Variants in COL4A4 observed in about 807,000 individuals in gnomAD.
COL4A4 encodes collagen alpha-4(IV) chain.
A neutral mutation model predicts 192.9 loss-of-function variants in COL4A4; 105 were observed. That is an observed-to-expected ratio of 0.54 (90% CI 0.46 to 0.64). The LOEUF is 0.64. Among genes scored for constraint, COL4A4 ranks in the 30% least tolerant of loss-of-function variants. The pLI is 0.00. For synonymous variants in COL4A4, 762 were observed against 769.9 expected (o/e 0.99, Z 0.17); for missense variants, 1,967 against 2,169.3 (o/e 0.91, Z 1.85).
chr2:227,052,015 C>A (rs1400044422), intron 32 of COL4A4, among the ~76,000 whole-genome samples: 1 of 151,938 alleles, frequency 6.6e-6, no homozygotes, highest in Non-Finnish European at 1.5e-5. Context: ...CATGGTGAAA[C>A]CCCCATCTTT....
At chr2:227,154,355 T>A (rs1161774874) in intron 1 of COL4A4, among the ~76,000 whole-genome samples, 1 of 152,016 alleles carries the variant, frequency 6.6e-6, no homozygotes, top group Non-Finnish European at 1.5e-5. Flanking sequence ...AGCAACCCAA[T>A]CTTGAAAACA....
intron 7 of COL4A4, 29 bp downstream of exon 7, chr2:227,118,616 C>A: frequency 6.6e-7 from 1 of 1,516,108 alleles, no homozygotes; most frequent in East Asian, 2.3e-5. Context: ...ACTTAAGATT[C>A]CTGTTAAGAT....
chr2:227,088,571 G>T (rs768418695), intron 22 of COL4A4, 82 bp downstream of exon 22: 6 of 1,526,486 alleles, frequency 3.9e-6, no homozygotes, highest in Non-Finnish European at 5.5e-6. Flanking sequence ...CCTAGTCTTG[G>T]GTAGTATCTT....
chr2:227,077,325 A>G (rs2059077781), intron 25 of COL4A4, among the ~76,000 whole-genome samples: 1 of 152,190 alleles, frequency 6.6e-6, no homozygotes, highest in Non-Finnish European at 1.5e-5. Context: ...AAAGAATGAG[A>G]ACATTTTCTT....
At chr2:227,016,053 G>A (rs13403281) in intron 44 of COL4A4, among the ~76,000 whole-genome samples, 66,801 of 151,684 alleles carry the variant, frequency 0.44, 14,812 homozygotes, top group South Asian at 0.55. Flanking sequence ...AACATTAGGT[G>A]GTTCTGCACC....
chr2:226,988,237 T>C, the COL4A4 span: 1 of 1,118,556 alleles, frequency 8.9e-7, no homozygotes, highest in Non-Finnish European at 1.2e-6. Flanking sequence ...AAGCAAGAGG[T>C]TGGGAGTAGG....
chr2:227,157,928 TA>T (rs2064485578), intron 1 of COL4A4, among the ~76,000 whole-genome samples: 1 of 152,062 alleles, frequency 6.6e-6, no homozygotes, highest in Non-Finnish European at 1.5e-5. Context: ...ATTATTCAGA[TA>T]CCAAAACTGA....
Position 227,022,019 on chromosome 2 carries a change from A to G in COL4A4, c.4216+29T>C, listed in dbSNP as rs987754524. ...TTCATTTCAGCAATATATCATGAAA[A>G]TAATGAACAATCAGCATGCGGCTCA... On this transcript the variant is annotated intron_variant, in intron 44 of 47. Transcript: ENST00000396625. 8.7e-6 allele frequency: 14 copies of G among 1,604,696 alleles called. No homozygotes were observed. The Middle Eastern group carries it at 6.6e-4, about 76-fold the overall frequency.
At chr2:227,087,472 T>C (rs1316386942) in intron 22 of COL4A4, among the ~76,000 whole-genome samples, 1 of 152,284 alleles carries the variant, frequency 6.6e-6, no homozygotes, top group East Asian at 1.9e-4. Context: ...ACTGCCTTCT[T>C]CCAGTGGCTC....
chr2:227,060,101 GAAAAAAAAAAA>G (rs71422223), intron 27 of COL4A4, 24 bp downstream of exon 27: 62 of 505,764 alleles, frequency 1.2e-4, no homozygotes, highest in Middle Eastern at 1.1e-3. Flanking sequence ...TCCCAAAGCA[GAAAAAAAAAAA>G]AAAAAAAAAA....
chr2:227,049,095 C>T (rs370632003), intron 34 of COL4A4, among the ~76,000 whole-genome samples: 4 of 152,104 alleles, frequency 2.6e-5, no homozygotes, highest in Non-Finnish European at 2.9e-5. Flanking sequence ...CAGCTAGTTA[C>T]GCTAAGGCTA....
chr2:226,977,600 G>A, the COL4A4 span, among the ~76,000 whole-genome samples: 1 of 152,176 alleles, frequency 6.6e-6, no homozygotes, highest in African/African-American at 2.4e-5. Flanking sequence ...AGCATAATTA[G>A]CAGGATCAAA....
At chr2:227,088,446 C>T (rs1326928068) in intron 22 of COL4A4, among the ~76,000 whole-genome samples, 3 of 152,192 alleles carry the variant, frequency 2.0e-5, no homozygotes, top group Non-Finnish European at 4.4e-5. Flanking sequence ...CTCTCTGTCA[C>T]CTGCTGTCGT....
At chr2:227,082,061 G>A (rs552047672) in intron 23 of COL4A4, 54 bp downstream of exon 23, 1 of 1,377,472 alleles carries the variant, frequency 7.3e-7, no homozygotes, top group East Asian at 2.3e-5. Context: ...GCAAGAGGAG[G>A]GTCCATACAT....
chr2:227,031,301 T>C (rs1426525082), intron 40 of COL4A4, among the ~76,000 whole-genome samples: 1 of 152,202 alleles, frequency 6.6e-6, no homozygotes, highest in African/African-American at 2.4e-5. Flanking sequence ...ATGATGGGCA[T>C]GTGTCTTTAT....
the COL4A4 span, among the ~76,000 whole-genome samples, chr2:226,992,944 T>G: frequency 6.6e-6 from 1 of 152,196 alleles, no homozygotes; most frequent in African/African-American, 2.4e-5. Flanking sequence ...GAAAGCTAAG[T>G]GGAGAAGTGT....
chr2:227,072,372 C>A (rs2058772305), intron 25 of COL4A4, among the ~76,000 whole-genome samples: 1 of 151,502 alleles, frequency 6.6e-6, no homozygotes, highest in African/African-American at 2.4e-5. Flanking sequence ...AAACCTCAAA[C>A]AAACCAATAA....
At chr2:227,086,814 T>G (rs550622846) in intron 22 of COL4A4, among the ~76,000 whole-genome samples, 1 of 152,254 alleles carries the variant, frequency 6.6e-6, no homozygotes, top group Admixed American at 6.5e-5. Context: ...ATGACTATGG[T>G]AAAATGTTGA....
Position 227,006,580 on chromosome 2 carries a change from AG to A in COL4A4, c.*744del, listed in dbSNP as rs1338540409. ...TTTTCCATAATTGCTACTTTTCAAA[AG>A]GGTTGCCAAAGTAGGCATTTCTATT... On this transcript the variant is annotated 3_prime_UTR_variant, in exon 48 of 48. Transcript: ENST00000396625. 1 of 152,184 alleles carries A rather than the reference AG, an allele frequency of 6.6e-6. No homozygotes were observed. Among genetic ancestry groups the A allele is most frequent in the African/African-American group, 2.4e-5 (1 of 41,426 alleles). 9.4% of individuals were successfully genotyped at this position (152,184 alleles called of 1,614,324 possible). A position where few individuals can be genotyped will look rare whatever the true frequency, so the allele number is the denominator to read the frequency against.
Sources: gnomAD v4.1 joint callset for allele counts (sites outside exome capture counted in the v4.1 genomes callset) on GRCh38, gnomAD v4.1.1 for gene constraint, MANE v1.5 for transcripts, NCBI Gene and HGNC (gene_info 2026-07-23, HGNC 2026-07-21) for gene names.